The following LARP1 variants were observed in gnomAD, a reference collection of about 807,000 sequenced individuals.
The protein encoded by LARP1 is La ribonucleoprotein 1, translational regulator.
In LARP1, 36 loss-of-function variants were observed where a neutral mutation model predicts 122.7. The ratio of observed to expected loss-of-function variants is 0.29; its 90% CI spans 0.22 to 0.39. The LOEUF (loss-of-function observed/expected upper bound fraction) is 0.39. LARP1 is among the 10% of genes least tolerant of loss of function. The pLI, the probability that LARP1 is intolerant of heterozygous loss-of-function variation, is 1.00. For synonymous variants in LARP1, 539 were observed against 528.7 expected (o/e 1.02, Z -0.27); for missense variants, 1,040 against 1,403.6 (o/e 0.74, Z 4.14).
At chr5:154,804,986 A>G (rs1758645459) in intron 14 of LARP1, 4 of 449,890 alleles carry the variant, frequency 8.9e-6, no homozygotes, top group Non-Finnish European at 1.3e-5. Context: ...TGACTCTCCA[A>G]AAGCCTACTG....
At chr5:154,788,869 G>C (rs544931799) in intron 1 of LARP1, among the ~76,000 whole-genome samples, 1 of 152,146 alleles carries the variant, frequency 6.6e-6, no homozygotes, top group Non-Finnish European at 1.5e-5. Flanking sequence ...TCTAGAGTTT[G>C]TACTGTATGT....
intron 1 of LARP1, among the ~76,000 whole-genome samples, chr5:154,683,560 C>T (rs1273172567): frequency 2.6e-5 from 4 of 152,108 alleles, no homozygotes; most frequent in South Asian, 2.1e-4. Context: ...CCACAGTCTC[C>T]GCTACTCCCT....
chr5:154,735,315 C>T (rs1048350868), intron 1 of LARP1, among the ~76,000 whole-genome samples: 1 of 151,834 alleles, frequency 6.6e-6, no homozygotes, highest in African/African-American at 2.4e-5. Flanking sequence ...ATTAGCCAGG[C>T]GTGATGGGTG....
intron 1 of LARP1, among the ~76,000 whole-genome samples, chr5:154,778,258 T>TAAAAAAAA (rs577057003): frequency 2.1e-3 from 257 of 119,658 alleles, no homozygotes; most frequent in African/African-American, 7.5e-3. Flanking sequence ...AGACTCCGTC[T>TAAAAAAAA]AAAAAAAAAA....
intron 1 of LARP1, among the ~76,000 whole-genome samples, chr5:154,700,325 T>C (rs1401420914): frequency 6.6e-6 from 1 of 152,074 alleles, no homozygotes; most frequent in Non-Finnish European, 1.5e-5. Flanking sequence ...TTATTTAAAA[T>C]TTGGGTATTT....
At chr5:154,777,558 T>C (rs895576098) in intron 1 of LARP1, among the ~76,000 whole-genome samples, 1 of 152,066 alleles carries the variant, frequency 6.6e-6, no homozygotes, top group Non-Finnish European at 1.5e-5. Context: ...GTATAAAATA[T>C]GGAATAAAAA....
chr5:154,690,152 T>A (rs2113198830), intron 1 of LARP1, among the ~76,000 whole-genome samples: 1 of 112,982 alleles, frequency 8.9e-6, no homozygotes, highest in South Asian at 3.0e-4. Flanking sequence ...GAATCTAGGT[T>A]AGTGGTGCGG....
chr5:154,765,218 A>T (rs901907520), intron 1 of LARP1, among the ~76,000 whole-genome samples: 7 of 152,138 alleles, frequency 4.6e-5, no homozygotes, highest in African/African-American at 1.7e-4. Flanking sequence ...TCACTTCCTG[A>T]AACATGTCAT....
At chr5:154,746,831 A>G (rs929783182) in intron 1 of LARP1, among the ~76,000 whole-genome samples, 2 of 152,032 alleles carry the variant, frequency 1.3e-5, no homozygotes, top group East Asian at 1.9e-4. Context: ...TGTCTCTACT[A>G]AAAAACTGAA....
intron 1 of LARP1, among the ~76,000 whole-genome samples, chr5:154,789,201 ACT>A (rs1381132362): frequency 5.1e-5 from 7 of 135,940 alleles, no homozygotes; most frequent in Non-Finnish European, 9.3e-5. Flanking sequence ...ACAGAGCGAG[ACT>A]CTGTCTCAAA....
chr5:154,696,641 C>T (rs1754482647), intron 1 of LARP1, among the ~76,000 whole-genome samples: 2 of 152,174 alleles, frequency 1.3e-5, no homozygotes, highest in Non-Finnish European at 2.9e-5. Flanking sequence ...GGTGAAGGAG[C>T]TTGCCCCTGC....
At chr5:154,799,133 A>G (rs1487174631) in intron 8 of LARP1, among the ~76,000 whole-genome samples, 4 of 152,218 alleles carry the variant, frequency 2.6e-5, no homozygotes, top group Non-Finnish European at 4.4e-5. Flanking sequence ...AAGTGCTAGG[A>G]TTATAGACGT....
intron 1 of LARP1, among the ~76,000 whole-genome samples, chr5:154,780,181 C>T (rs1756306282): frequency 6.6e-6 from 1 of 152,210 alleles, no homozygotes; most frequent in Non-Finnish European, 1.5e-5. Context: ...ATGTGCCCAG[C>T]CTGCCTCTCA....
rs1317772372 is a variant in LARP1, at chr5:154,817,567, C to CA, written c.*3478dup. 1 of 152,396 alleles carries CA rather than the reference C, an allele frequency of 6.6e-6. No individual in the cohort carries two copies. The highest frequency in any genetic ancestry group is 1.9e-4 in the East Asian group (1 of 5,190). 9.4% of individuals were successfully genotyped at this position (152,396 alleles called of 1,614,324 possible). A position where few individuals can be genotyped will look rare whatever the true frequency, so the allele number is the denominator to read the frequency against. ...GGTAATTATGCTTTTCTTTTTAATA[C>CA]AAAAAAATGTATAAAAATAAACACT... On this transcript the variant is annotated 3_prime_UTR_variant, in exon 19 of 19. Coordinates refer to ENST00000518297, the MANE Select transcript of LARP1 (RefSeq NM_033551.3).
chr5:154,806,627 T>C (rs1758810720), intron 15 of LARP1, among the ~76,000 whole-genome samples: 1 of 152,236 alleles, frequency 6.6e-6, no homozygotes, highest in Non-Finnish European at 1.5e-5. Context: ...CTAGATGCTC[T>C]TGTCTGTCCC....
chr5:154,712,861 C>A (rs1755284330), exon 1 of LARP1: 1 of 1,414,928 alleles, frequency 7.1e-7, no homozygotes, highest in Non-Finnish European at 9.9e-7. Context: ...CAGGAGGCAG[C>A]TGTGCGATCT....
At chr5:154,761,184 C>T (rs1277400317) in intron 1 of LARP1, among the ~76,000 whole-genome samples, 2 of 152,326 alleles carry the variant, frequency 1.3e-5, no homozygotes, top group East Asian at 3.9e-4. Flanking sequence ...CATCGGGAGC[C>T]TTCAGCTGGC....
intron 15 of LARP1, among the ~76,000 whole-genome samples, chr5:154,807,704 C>T (rs1204560851): frequency 1.3e-5 from 2 of 152,152 alleles, no homozygotes; most frequent in African/African-American, 2.4e-5. Flanking sequence ...GCATGCTCCA[C>T]CATACCAATC....
chr5:154,789,365 G>A (rs1023418146), intron 1 of LARP1, among the ~76,000 whole-genome samples: 1 of 151,490 alleles, frequency 6.6e-6, no homozygotes, highest in Non-Finnish European at 1.5e-5. Flanking sequence ...GATTACGGGC[G>A]CCCACCACCA....
Sources: allele counts gnomAD v4.1 joint callset (sites outside exome capture counted in the v4.1 genomes callset), GRCh38; gene constraint gnomAD v4.1.1; transcripts MANE v1.5; gene names NCBI Gene and HGNC (gene_info 2026-07-23, HGNC 2026-07-21).